Variants in HMCN2 observed in about 807,000 individuals in gnomAD.
The protein encoded by HMCN2 is hemicentin 2.
HMCN2 carries 325 observed loss-of-function variants against 377.5 expected under a neutral mutation model. The ratio of observed to expected loss-of-function variants is 0.86; its 90% CI spans 0.79 to 0.94. The LOEUF is 0.94. Ranked by LOEUF, HMCN2 falls within the 40% of genes least tolerant of loss-of-function variation. HMCN2 has a pLI of 0.00. For missense variants in HMCN2, 4,543 were observed against 4,725.3 expected, an observed-to-expected ratio of 0.96 and a Z score of 1.13; for synonymous variants, 2,007 against 2,046.8, an observed-to-expected ratio of 0.98 and a Z score of 0.53.
Position 130,400,714 on chromosome 9 carries a change from C to T in HMCN2, c.11606-69C>T, listed in dbSNP as rs944776045. 3.5e-6 allele frequency: 4 copies of T among 1,157,656 alleles called. No homozygotes were observed. In the South Asian group the frequency reaches 4.6e-5, roughly 13 times the overall value. 71.7% of individuals were successfully genotyped at this position (1,157,656 alleles called of 1,614,324 possible). ...ATGTCACCTTGTGTACTAGCTTTAC[C>T]CCCTGGCCCTGTGGCCGTGAGTGCC... On this transcript the variant is annotated intron_variant, in intron 76 of 97. Coordinates refer to ENST00000683500, the MANE Select transcript of HMCN2 (RefSeq NM_001291815.2).
chr9:130,433,455 C>T lies in HMCN2; in HGVS notation c.15002C>T (p.Ala5001Val), dbSNP rs1214200474. 4.8e-5 allele frequency: 72 copies of T among 1,499,654 alleles called. No homozygotes were observed. The highest frequency in any genetic ancestry group is 6.1e-5 in the Non-Finnish European group (69 of 1,132,448). 92.9% of individuals were successfully genotyped at this position (1,499,654 alleles called of 1,614,324 possible). A position where few individuals can be genotyped will look rare whatever the true frequency, so the allele number is the denominator to read the frequency against. ...GGCGTGCGCGCCCACCACGACGTGG[C>T]CCGCCTCACCGCCTTCTCCGAGGTC... ...PLGVRAHHDV[A>V]RLTAFSEVGV... The change falls in exon 98 of 98, where the codon GCC (alanine) becomes GTC (valine). Residue 5001 changes from alanine (A) to valine (V), a missense_variant. Ala to Val is a moderately conservative substitution (Grantham distance 64). Transcript: ENST00000683500.
intron 22 of HMCN2, among the ~76,000 whole-genome samples, chr9:130,329,072 G>T (rs1364197049): frequency 6.6e-6 from 1 of 152,148 alleles, no homozygotes; most frequent in Non-Finnish European, 1.5e-5. Flanking sequence ...TTCAGACTGT[G>T]CAGCCATCAC....
chr9:130,280,151 T>A (rs1362884589), intron 1 of HMCN2, among the ~76,000 whole-genome samples: 1 of 45,582 alleles, frequency 2.2e-5, no homozygotes, highest in African/African-American at 1.8e-4. Flanking sequence ...TGTGTGTGTG[T>A]TTTTTTTTTT....
At chr9:130,266,909 T>G (rs1245485440) in intron 1 of HMCN2, among the ~76,000 whole-genome samples, 1 of 151,902 alleles carries the variant, frequency 6.6e-6, no homozygotes, top group Non-Finnish European at 1.5e-5. Flanking sequence ...CTGAGTGAGC[T>G]GCAGGTTCCC....
intron 1 of HMCN2, among the ~76,000 whole-genome samples, chr9:130,280,455 A>C (rs2131261691): frequency 6.6e-6 from 1 of 151,614 alleles, no homozygotes; most frequent in African/African-American, 2.4e-5. Context: ...TACAGGCGTG[A>C]GCCACCGCGC....
In HMCN2 at chr9:130,306,223, C is replaced by T. The variant is rs1554936672; in HGVS notation, c.1911C>T (p.Pro637=). ...GCTCAGCCTCTGGATACCCCACACCCCACATCTCCTGGAGCCGTGAGAGCC... is the reference window on the plus strand; with the variant it reads ...GCTCAGCCTCTGGATACCCCACACCTCACATCTCCTGGAGCCGTGAGAGCC... ...VSCSASGYPT[P]HISWSRESQA... The change falls in exon 12 of 98, where the codon CCC becomes CCT. Residue 637 remains proline (P), a synonymous_variant. Coordinates refer to ENST00000683500, the MANE Select transcript of HMCN2 (RefSeq NM_001291815.2). The T allele has an allele frequency of 2.1e-6, 1 of 471,100 alleles. No individual in the cohort carries two copies. The highest frequency in any genetic ancestry group is 1.5e-5 in the South Asian group (1 of 64,564). 29.2% of individuals were successfully genotyped at this position (471,100 alleles called of 1,614,324 possible).
intron 1 of HMCN2, among the ~76,000 whole-genome samples, chr9:130,277,784 C>T (rs1156958452): frequency 2.3e-4 from 25 of 109,792 alleles, no homozygotes; most frequent in Non-Finnish European, 4.0e-4. Context: ...ATCATCATCA[C>T]CACCACCATC....
intron 90 of HMCN2, among the ~76,000 whole-genome samples, chr9:130,427,068 G>A (rs1452687055): frequency 6.6e-6 from 1 of 152,186 alleles, no homozygotes; most frequent in Non-Finnish European, 1.5e-5. Flanking sequence ...TTTTCCTGGG[G>A]CTGCCTGACT....
rs1049024260 is a variant in HMCN2, at chr9:130,351,339, T to A, written c.4431-84T>A. ...TAATGAATGGCCCAGCCTCGCTTTT[T>A]ACAAGCCACACACTCCCTGTGTGCA... is the stretch of plus-strand genomic sequence containing the variant. On this transcript the variant is annotated intron_variant, in intron 29 of 97. Coordinates refer to ENST00000683500, the MANE Select transcript of HMCN2 (RefSeq NM_001291815.2). The surrounding 1 kb of genome is among the most constrained non-coding windows in gnomAD (Gnocchi z 5.4). The A allele has an allele frequency of 2.1e-5, 23 of 1,118,968 alleles. No homozygotes were observed. The African/African-American group carries it at 3.3e-4, about 16-fold the overall frequency. 69.3% of individuals were successfully genotyped at this position (1,118,968 alleles called of 1,614,324 possible).
At chr9:130,334,252 G>A (rs892767491) in intron 22 of HMCN2, among the ~76,000 whole-genome samples, 24 of 152,302 alleles carry the variant, frequency 1.6e-4, no homozygotes, top group East Asian at 5.8e-4. Context: ...GGTGGTCTGC[G>A]TAGGTCCACA....
At chr9:130,410,463 C>A in intron 84 of HMCN2, 108 bp from the exon 85 acceptor site, 1 of 972,698 alleles carries the variant, frequency 1.0e-6, no homozygotes, top group Non-Finnish European at 1.6e-6. Flanking sequence ...GGCTGGTTCA[C>A]AGCCTAAGCC....
chr9:130,301,578 C>A (rs192135355), intron 8 of HMCN2, among the ~76,000 whole-genome samples: 20 of 152,266 alleles, frequency 1.3e-4, no homozygotes, highest in Admixed American at 8.5e-4. Context: ...TCCCAGGGTG[C>A]GTGGGTGAGT....
At position 130,358,503 on chromosome 9, in the gene HMCN2, C is replaced by T. The variant is rs1048139212; in HGVS notation, c.5677+17C>T. The T allele has an allele frequency of 7.7e-7, 1 of 1,304,340 alleles. No individual in the cohort carries two copies. The highest frequency in any genetic ancestry group is 1.0e-6 in the Non-Finnish European group (1 of 988,970). 80.8% of individuals were successfully genotyped at this position (1,304,340 alleles called of 1,614,324 possible). Reference sequence around the variant, plus strand: ...AAGTTTTGGGTGAGGACGTGGGTAACCAGCAGGGCCCAGGCCAGCATGTTG... The same window carrying T: ...AAGTTTTGGGTGAGGACGTGGGTAATCAGCAGGGCCCAGGCCAGCATGTTG... On this transcript the variant is annotated intron_variant, in intron 36 of 97. Transcript: ENST00000683500.
chr9:130,349,892 T>TTC (rs1362731769), intron 29 of HMCN2, among the ~76,000 whole-genome samples: 1 of 131,288 alleles, frequency 7.6e-6, no homozygotes, highest in African/African-American at 2.8e-5. Context: ...CCTTTCCTTT[T>TTC]TTTTTTTTTT....
Position 130,369,517 on chromosome 9 carries a change from T to A in HMCN2, c.6788-53T>A, listed in dbSNP as rs1840896451. Reference sequence around the variant, plus strand: ...TATTGGGCCCGGGGTAAGTGTGTGGTGCCTGGTGGCCCCAGCAGCTTTCTC... The same window carrying A: ...TATTGGGCCCGGGGTAAGTGTGTGGAGCCTGGTGGCCCCAGCAGCTTTCTC... On this transcript the variant is annotated intron_variant, in intron 44 of 97. Transcript: ENST00000683500. The surrounding 1 kb of genome is among the most constrained non-coding windows in gnomAD (Gnocchi z 4.5). 1.0e-6 allele frequency: 1 copy of A among 963,898 alleles called. No homozygotes were observed. Among genetic ancestry groups the A allele is most frequent in the African/African-American group, 1.8e-5 (1 of 56,766 alleles). 59.7% of individuals were successfully genotyped at this position (963,898 alleles called of 1,614,324 possible). A position where few individuals can be genotyped will look rare whatever the true frequency, so the allele number is the denominator to read the frequency against.
chr9:130,432,083 C>T (rs1431379813), intron 96 of HMCN2, among the ~76,000 whole-genome samples: 1 of 152,226 alleles, frequency 6.6e-6, no homozygotes, highest in Non-Finnish European at 1.5e-5. Context: ...CTGAGGAAGA[C>T]AGGATCAGGG....
At chr9:130,432,375 C>G (rs992189497) in intron 96 of HMCN2, 54 bp from the exon 97 acceptor site, 2 of 1,541,896 alleles carry the variant, frequency 1.3e-6, no homozygotes, top group East Asian at 4.9e-5. Context: ...CCCCCCTTCT[C>G]CTTTGCTCCA....
intron 4 of HMCN2, among the ~76,000 whole-genome samples, chr9:130,289,326 G>C (rs1813235489): frequency 6.6e-6 from 1 of 152,156 alleles, no homozygotes; most frequent in South Asian, 2.1e-4. Context: ...AAGACAGTAA[G>C]GGCGGGCGGA....
intron 33 of HMCN2, 54 bp downstream of exon 33, chr9:130,355,908 T>C: frequency 8.9e-7 from 1 of 1,122,880 alleles, no homozygotes; most frequent in Non-Finnish European, 1.2e-6. Context: ...AGCGTGTGCT[T>C]TGCGGATTGT....
Sources: allele counts gnomAD v4.1 joint callset (sites outside exome capture counted in the v4.1 genomes callset), GRCh38; gene constraint gnomAD v4.1.1; non-coding constraint Gnocchi (gnomAD v3.1); transcripts MANE v1.5; gene names NCBI Gene and HGNC (gene_info 2026-07-23, HGNC 2026-07-21).